UBR3: variants seen among roughly 807,000 people sequenced by gnomAD.
The protein encoded by UBR3 is E3 ubiquitin-protein ligase UBR3.
In UBR3, 85 loss-of-function variants were observed where a neutral mutation model predicts 243.2. The ratio of observed to expected loss-of-function variants is 0.35; its 90% CI spans 0.29 to 0.42. The LOEUF is 0.42. UBR3 is among the 10% of genes least tolerant of loss of function. UBR3 has a pLI of 1.00. For missense variants in UBR3, 1,686 were observed against 2,300.8 expected (o/e 0.73, Z 5.47); for synonymous variants, 748 against 799.8 (o/e 0.94, Z 1.09).
At chr2:170,030,767 T>G (rs1474591846) in intron 31 of UBR3, among the ~76,000 whole-genome samples, 2 of 152,104 alleles carry the variant, frequency 1.3e-5, no homozygotes, top group African/African-American at 4.8e-5. Flanking sequence ...GTTTTTTTCC[T>G]CAATATTTAA....
chr2:170,000,163 A>G (rs1018001156), intron 26 of UBR3, among the ~76,000 whole-genome samples: 1 of 151,362 alleles, frequency 6.6e-6, no homozygotes, highest in Non-Finnish European at 1.5e-5. Flanking sequence ...CAAAAAAAAA[A>G]CAAATTTGGA....
Position 169,866,315 on chromosome 2 carries a change from T to A in UBR3, c.546-5921T>A, listed in dbSNP as rs115719786. On this transcript the variant is annotated intron_variant, in intron 1 of 38. Coordinates refer to ENST00000272793, the MANE Select transcript of UBR3 (RefSeq NM_172070.4). ...GAAATACAGCTTTTAAAAAGTGTAC[T>A]TGATTTTATTTAGATATTGTGTGTC... 2.8e-3 allele frequency among the ~76,000 whole-genome samples: 417 copies of A among 150,976 alleles called. 2 individuals are homozygous for A. Among genetic ancestry groups the A allele is most frequent in the African/African-American group, 9.5e-3 (392 of 41,292 alleles).
At position 169,933,734 on chromosome 2, in the gene UBR3, A is replaced by G. The variant is rs542522465; in HGVS notation, c.2663+726A>G. ...TGAGAAAGTATTAGTACTTATCCAG[A>G]TAACTATCAAAGTGAAACTTCTCTT... On this transcript the variant is annotated intron_variant, in intron 19 of 38. Transcript: ENST00000272793. 2.9e-4 allele frequency among the ~76,000 whole-genome samples: 44 copies of G among 152,346 alleles called. No homozygotes were observed. In the South Asian group the frequency reaches 7.2e-3, roughly 25 times the overall value.
chr2:169,956,016 G>A (rs1260212991), intron 23 of UBR3, among the ~76,000 whole-genome samples: 1 of 151,924 alleles, frequency 6.6e-6, no homozygotes, highest in African/African-American at 2.4e-5. Context: ...AAGGTAGTGT[G>A]AGAGAGGAAG....
intron 25 of UBR3, among the ~76,000 whole-genome samples, chr2:169,990,919 G>A (rs2089248178): frequency 6.6e-6 from 1 of 151,966 alleles, no homozygotes; most frequent in South Asian, 2.1e-4. Flanking sequence ...AACTGCCCAG[G>A]TAAAAGGCAG....
At chr2:169,888,934 A>G (rs1428481002) in intron 5 of UBR3, among the ~76,000 whole-genome samples, 1 of 151,876 alleles carries the variant, frequency 6.6e-6, no homozygotes, top group Admixed American at 6.6e-5. Flanking sequence ...TTTTGCCATT[A>G]TAAATAACAT....
intron 30 of UBR3, among the ~76,000 whole-genome samples, chr2:170,016,591 A>G (rs1329113927): frequency 6.6e-6 from 1 of 151,872 alleles, no homozygotes; most frequent in African/African-American, 2.4e-5. Flanking sequence ...TTATTAATTG[A>G]TGTTTGGCAT....
At chr2:170,024,610 T>A (rs2090480736) in intron 30 of UBR3, among the ~76,000 whole-genome samples, 1 of 152,094 alleles carries the variant, frequency 6.6e-6, no homozygotes. Context: ...TATATTTTTA[T>A]TTTATAGAGT....
intron 8 of UBR3, among the ~76,000 whole-genome samples, chr2:169,903,171 AG>A (rs2084894363): frequency 6.6e-6 from 1 of 152,252 alleles, no homozygotes; most frequent in African/African-American, 2.4e-5. Context: ...TAATGAGGAA[AG>A]TACCAGTTTG....
At chr2:169,830,305 G>C (rs1026444812) in intron 1 of UBR3, among the ~76,000 whole-genome samples, 1 of 152,008 alleles carries the variant, frequency 6.6e-6, no homozygotes, top group Non-Finnish European at 1.5e-5. Flanking sequence ...CCTCCCTAAG[G>C]CTTAGTACTA....
intron 3 of UBR3, among the ~76,000 whole-genome samples, chr2:169,877,079 C>G (rs184248500): frequency 6.6e-6 from 1 of 152,174 alleles, no homozygotes; most frequent in Admixed American, 6.5e-5. Context: ...ACTCTGCTTT[C>G]GATAACTGCA....
intron 30 of UBR3, among the ~76,000 whole-genome samples, chr2:170,021,230 G>T (rs1038569982): frequency 6.6e-6 from 1 of 152,028 alleles, no homozygotes; most frequent in Non-Finnish European, 1.5e-5. Flanking sequence ...CAAATTGGGG[G>T]GTGTGTGGAT....
chr2:170,017,770 T>C (rs1338697401), intron 30 of UBR3, among the ~76,000 whole-genome samples: 2 of 152,154 alleles, frequency 1.3e-5, no homozygotes, highest in African/African-American at 4.8e-5. Context: ...AAAATACGTG[T>C]CTGGGAAATT....
intron 8 of UBR3, among the ~76,000 whole-genome samples, chr2:169,898,234 T>C (rs1386161692): frequency 1.3e-5 from 2 of 152,230 alleles, no homozygotes; most frequent in African/African-American, 4.8e-5. Flanking sequence ...TGCCTCTTTG[T>C]GCATATCAGC....
At chr2:169,986,528 G>C (rs2105388112) in intron 24 of UBR3, 117 bp from the exon 25 acceptor site, 1 of 886,816 alleles carries the variant, frequency 1.1e-6, no homozygotes. Flanking sequence ...TTTTATTACT[G>C]TATACTTTAT....
intron 8 of UBR3, among the ~76,000 whole-genome samples, chr2:169,903,736 A>C (rs1335052156): frequency 2.0e-5 from 3 of 152,308 alleles, no homozygotes; most frequent in African/African-American, 7.2e-5. Flanking sequence ...TTTAAAAAAT[A>C]TGAGCCGGGT....
chr2:170,006,036 T>TA (rs1426490423), intron 27 of UBR3, among the ~76,000 whole-genome samples: 2 of 152,052 alleles, frequency 1.3e-5, no homozygotes, highest in African/African-American at 4.8e-5. Context: ...CAGCTTCAGT[T>TA]ACAGCAAAAA....
intron 35 of UBR3, among the ~76,000 whole-genome samples, chr2:170,066,993 T>TAATAATAATAATAATAATAATAAA (rs71006067): frequency 0.14 from 20,245 of 143,620 alleles, 1,406 homozygotes; most frequent in East Asian, 0.21. Context: ...ATAATAATAA[T>TAATAATAATAATAATAATAATAAA]AAACTTCATT....
At chr2:169,938,183 T>C (rs1057448896) in intron 19 of UBR3, among the ~76,000 whole-genome samples, 3 of 152,198 alleles carry the variant, frequency 2.0e-5, no homozygotes, top group African/African-American at 7.2e-5. Context: ...CATTTTTTAA[T>C]TGCACTTTTT....
Sources: allele counts gnomAD v4.1 joint callset (sites outside exome capture counted in the v4.1 genomes callset), GRCh38; gene constraint gnomAD v4.1.1; transcripts MANE v1.5; gene names NCBI Gene and HGNC (gene_info 2026-07-23, HGNC 2026-07-21).